The following ADAMTSL1 variants were observed in gnomAD, a reference collection of about 807,000 sequenced individuals.
ADAMTSL1 encodes ADAMTS like 1.
Under a neutral mutation model 201.8 loss-of-function variants are expected in ADAMTSL1, and 126 were observed. The observed-to-expected ratio is 0.62, with a 90% CI of 0.54 to 0.72. ADAMTSL1 has a LOEUF of 0.72. Among genes scored for constraint, ADAMTSL1 ranks in the 30% least tolerant of loss-of-function variants. ADAMTSL1 has a pLI of 0.00. For synonymous variants in ADAMTSL1, 1,121 were observed against 903.4 expected, an observed-to-expected ratio of 1.24 and a Z score of -4.32; for missense variants, 2,679 against 2,277.8, an observed-to-expected ratio of 1.18 and a Z score of -3.59.
chr9:18,195,160 C>T (rs924302259), intron 2 of ADAMTSL1, among the ~76,000 whole-genome samples: 3 of 152,080 alleles, frequency 2.0e-5, no homozygotes, highest in African/African-American at 7.2e-5. Context: ...AATGAGGGGT[C>T]ACAGCCACCA....
chr9:18,046,042 C>A (rs1282145326), intron 1 of ADAMTSL1, among the ~76,000 whole-genome samples: 1 of 152,114 alleles, frequency 6.6e-6, no homozygotes, highest in African/African-American at 2.4e-5. Flanking sequence ...AAAGAATTGT[C>A]TTGTTCCTGG....
At chr9:17,972,729 G>A (rs1368512597) in intron 1 of ADAMTSL1, among the ~76,000 whole-genome samples, 5 of 150,086 alleles carry the variant, frequency 3.3e-5, no homozygotes, top group African/African-American at 1.2e-4. Context: ...GATCCCTGAG[G>A]AATTGCCACA....
chr9:18,302,682 C>G (rs769235863), intron 2 of ADAMTSL1, among the ~76,000 whole-genome samples: 7 of 152,122 alleles, frequency 4.6e-5, no homozygotes, highest in Non-Finnish European at 7.4e-5. Context: ...GTATAACAGT[C>G]TAATAATCCT....
In ADAMTSL1 at chr9:18,718,241, C is replaced by A. The variant is rs893936650; in HGVS notation, c.1877-3295C>A. 2.4e-5 allele frequency: 18 copies of A among 760,912 alleles called. No individual in the cohort carries two copies. In the East Asian group the frequency reaches 4.4e-4, roughly 19 times the overall value. The allele number at this position is 760,912 out of a possible 1,614,324, so 47.1% of individuals were successfully genotyped here. On this transcript the variant is annotated intron_variant, in intron 14 of 28. Coordinates refer to ENST00000380548, the MANE Select transcript of ADAMTSL1 (RefSeq NM_001040272.6). ...CTTTAACTCAAAGAATCTGTTCTCT[C>A]AAGTCTTGCAAATCATTAAATGTGG... is the stretch of plus-strand genomic sequence containing the variant.
chr9:18,528,194 TTTTTA>T (rs1819215601), intron 2 of ADAMTSL1, among the ~76,000 whole-genome samples: 1 of 152,090 alleles, frequency 6.6e-6, no homozygotes, highest in South Asian at 2.1e-4. Context: ...TTTATTTTTA[TTTTTA>T]TTTTATTTTA....
chr9:17,970,472 C>T (rs554224910), intron 1 of ADAMTSL1, among the ~76,000 whole-genome samples: 5 of 152,028 alleles, frequency 3.3e-5, no homozygotes, highest in African/African-American at 1.2e-4. Context: ...TTGTGGTAAC[C>T]TAGCCTGAGC....
intron 1 of ADAMTSL1, among the ~76,000 whole-genome samples, chr9:17,991,596 C>A (rs894594089): frequency 6.6e-6 from 1 of 152,002 alleles, no homozygotes; most frequent in Non-Finnish European, 1.5e-5. Flanking sequence ...CTGGATGGCC[C>A]CTGTTTGAAT....
At chr9:17,928,939 A>G (rs1424396358) in intron 1 of ADAMTSL1, among the ~76,000 whole-genome samples, 1 of 152,096 alleles carries the variant, frequency 6.6e-6, no homozygotes, top group East Asian at 1.9e-4. Context: ...TCTGCTTACC[A>G]CTGCCTGCTA....
At chr9:18,490,725 T>C (rs1477309825) in intron 1 of ADAMTSL1, among the ~76,000 whole-genome samples, 1 of 152,106 alleles carries the variant, frequency 6.6e-6, no homozygotes, top group East Asian at 1.9e-4. Flanking sequence ...GAGAACTCGC[T>C]GCCAAAGAAG....
intron 2 of ADAMTSL1, among the ~76,000 whole-genome samples, chr9:18,202,112 G>A (rs911836440): frequency 6.6e-6 from 1 of 152,068 alleles, no homozygotes; most frequent in Middle Eastern, 3.2e-3. Flanking sequence ...GAAATAAAGT[G>A]GGTTGTAAAC....
chr9:18,234,322 ATC>A (rs2132421475), intron 2 of ADAMTSL1, among the ~76,000 whole-genome samples: 1 of 152,292 alleles, frequency 6.6e-6, no homozygotes, highest in East Asian at 1.9e-4. Context: ...CTTTTGAAAT[ATC>A]TGGGAGAAAT....
At chr9:18,572,813 G>A (rs916574455) in intron 3 of ADAMTSL1, among the ~76,000 whole-genome samples, 4 of 152,166 alleles carry the variant, frequency 2.6e-5, no homozygotes, top group African/African-American at 9.7e-5. Context: ...CAATGATAAT[G>A]TAGTAACAGG....
At chr9:18,831,406 T>G (rs1182299184) in intron 23 of ADAMTSL1, among the ~76,000 whole-genome samples, 4 of 152,242 alleles carry the variant, frequency 2.6e-5, no homozygotes, top group Non-Finnish European at 5.9e-5. Flanking sequence ...CACAGCCTGG[T>G]CACAAGCAGG....
At chr9:18,083,746 C>T (rs532751013) in intron 1 of ADAMTSL1, among the ~76,000 whole-genome samples, 1 of 152,298 alleles carries the variant, frequency 6.6e-6, no homozygotes, top group South Asian at 2.1e-4. Flanking sequence ...CATAATGTTT[C>T]TGGGTATTCT....
chr9:18,882,580 C>A (rs1340619270), intron 23 of ADAMTSL1, among the ~76,000 whole-genome samples: 1 of 152,120 alleles, frequency 6.6e-6, no homozygotes, highest in Non-Finnish European at 1.5e-5. Flanking sequence ...TCCCCAAGGC[C>A]ATTTCTACAC....
chr9:18,568,559 G>A (rs1389227619), intron 3 of ADAMTSL1, among the ~76,000 whole-genome samples: 6 of 152,246 alleles, frequency 3.9e-5, no homozygotes, highest in Non-Finnish European at 7.4e-5. Context: ...ATCATAACGT[G>A]GTTATCCGCA....
chr9:18,870,660 T>C (rs1588277292), intron 23 of ADAMTSL1, among the ~76,000 whole-genome samples: 1 of 152,258 alleles, frequency 6.6e-6, no homozygotes, highest in East Asian at 1.9e-4. Flanking sequence ...CCTTAAGCCA[T>C]TTTCAGGCAA....
intron 2 of ADAMTSL1, among the ~76,000 whole-genome samples, chr9:18,314,958 G>A (rs111522840): frequency 0.034 from 5,197 of 150,704 alleles, 298 homozygotes; most frequent in African/African-American, 0.12. Context: ...TACCACGCCC[G>A]GCTAATTTTT....
chr9:18,768,914 C>T (rs970567531), intron 16 of ADAMTSL1, among the ~76,000 whole-genome samples: 5 of 152,138 alleles, frequency 3.3e-5, no homozygotes, highest in African/African-American at 1.2e-4. Flanking sequence ...CCTGGAGACA[C>T]AATAGAATTA....
Sources: gnomAD v4.1 joint callset for allele counts (sites outside exome capture counted in the v4.1 genomes callset) on GRCh38, gnomAD v4.1.1 for gene constraint, MANE v1.5 for transcripts, NCBI Gene and HGNC (gene_info 2026-07-23, HGNC 2026-07-21) for gene names.